ATP11A: variants seen among roughly 807,000 people sequenced by gnomAD.
ATP11A encodes the protein ATPase phospholipid transporting 11A.
Under a neutral mutation model 154.4 loss-of-function variants are expected in ATP11A, and 81 were observed. The observed-to-expected ratio is 0.52, with a 90% CI of 0.44 to 0.63. The LOEUF (loss-of-function observed/expected upper bound fraction) is 0.63. ATP11A is among the 30% of genes least tolerant of loss of function. The pLI is 0.00. For missense variants in ATP11A, 1,316 were observed against 1,474.3 expected, an observed-to-expected ratio of 0.89 and a Z score of 1.76; for synonymous variants, 623 against 585.9, an observed-to-expected ratio of 1.06 and a Z score of -0.91.
intron 1 of ATP11A, among the ~76,000 whole-genome samples, chr13:112,731,516 T>C (rs2139692281): frequency 1.3e-5 from 2 of 152,284 alleles, no homozygotes; most frequent in Admixed American, 1.3e-4. Flanking sequence ...CGGCACTCAC[T>C]AGTTTTCTGT....
At chr13:112,691,668 T>C (rs58268884) in intron 1 of ATP11A, among the ~76,000 whole-genome samples, 2,496 of 152,216 alleles carry the variant, frequency 0.016, 83 homozygotes, top group African/African-American at 0.058. Context: ...ATGGGAACTT[T>C]GTTCTTTCCC....
chr13:112,867,293 A>G (rs1235232354), intron 25 of ATP11A, among the ~76,000 whole-genome samples: 4 of 152,232 alleles, frequency 2.6e-5, no homozygotes, highest in African/African-American at 9.6e-5. Context: ...AGCTCCCGAG[A>G]GGCAGGGCCT....
At chr13:112,779,464 C>A (rs895778734) in intron 1 of ATP11A, among the ~76,000 whole-genome samples, 3 of 152,108 alleles carry the variant, frequency 2.0e-5, no homozygotes, top group Admixed American at 1.3e-4. Flanking sequence ...TCAGCTGGGA[C>A]AGGGCAGCAA....
intron 29 of ATP11A, among the ~76,000 whole-genome samples, chr13:112,879,885 G>A (rs999614202): frequency 3.9e-5 from 6 of 152,222 alleles, no homozygotes; most frequent in South Asian, 2.1e-4. Flanking sequence ...ATATATGTGC[G>A]ATTTGCACAT....
chr13:112,829,755 T>A (rs1262403127), intron 12 of ATP11A, among the ~76,000 whole-genome samples: 1 of 152,200 alleles, frequency 6.6e-6, no homozygotes, highest in Non-Finnish European at 1.5e-5. Flanking sequence ...GAAGTGAAAT[T>A]GTTTGCTGAT....
At chr13:112,831,889 GAC>G (rs2079097257) in intron 13 of ATP11A, among the ~76,000 whole-genome samples, 2 of 147,506 alleles carry the variant, frequency 1.4e-5, no homozygotes, top group Non-Finnish European at 3.0e-5. Context: ...CACACATGCA[GAC>G]ACACGCACTC....
intron 4 of ATP11A, 68 bp downstream of exon 4, chr13:112,806,361 G>A (rs761612786): frequency 8.1e-5 from 103 of 1,274,096 alleles, no homozygotes; most frequent in South Asian, 1.6e-4. Flanking sequence ...TTCATTCAAA[G>A]CGAGGTGATT....
intron 2 of ATP11A, among the ~76,000 whole-genome samples, chr13:112,799,431 G>A (rs752124302): frequency 6.6e-6 from 1 of 152,062 alleles, no homozygotes; most frequent in Non-Finnish European, 1.5e-5. Flanking sequence ...AGGTGGGGCA[G>A]TTCTATAGGA....
chr13:112,804,582 C>T (rs2078271340), intron 2 of ATP11A, among the ~76,000 whole-genome samples: 1 of 148,792 alleles, frequency 6.7e-6, no homozygotes, highest in South Asian at 2.2e-4. Context: ...GGCTTCCATT[C>T]AGCTCGCTGT....
chr13:112,845,632 A>C (rs1436924365), intron 17 of ATP11A, among the ~76,000 whole-genome samples: 2 of 124,564 alleles, frequency 1.6e-5, no homozygotes, highest in Admixed American at 7.8e-5. Context: ...TAACCAGTCC[A>C]GTTGCCAGCA....
chr13:112,726,630 G>C (rs762637424), intron 1 of ATP11A, among the ~76,000 whole-genome samples: 4 of 152,210 alleles, frequency 2.6e-5, no homozygotes, highest in African/African-American at 9.6e-5. Context: ...GGGTGCTGCA[G>C]ATGCTGGGGG....
At chr13:112,810,129 T>C (rs1263991177) in intron 4 of ATP11A, among the ~76,000 whole-genome samples, 1 of 151,974 alleles carries the variant, frequency 6.6e-6, no homozygotes, top group Non-Finnish European at 1.5e-5. Flanking sequence ...CTCATAACAA[T>C]CAGTTTTTAA....
At chr13:112,711,319 G>T (rs1191787021) in intron 1 of ATP11A, among the ~76,000 whole-genome samples, 2 of 152,162 alleles carry the variant, frequency 1.3e-5, no homozygotes, top group Non-Finnish European at 1.5e-5. Context: ...ACTAAAAGCT[G>T]GGCCAGGTGT....
At chr13:112,816,310 C>G in intron 6 of ATP11A, 99 bp downstream of exon 6, 4 of 1,503,476 alleles carry the variant, frequency 2.7e-6, no homozygotes, top group East Asian at 2.3e-5. Flanking sequence ...TTTGAAAAGT[C>G]ACCGTTTTCA....
chr13:112,839,713 TG>T (rs1182310853), intron 16 of ATP11A, among the ~76,000 whole-genome samples: 2 of 152,204 alleles, frequency 1.3e-5, no homozygotes, highest in Non-Finnish European at 2.9e-5. Flanking sequence ...ATTCCAAGGC[TG>T]TTCCTCACCA....
At chr13:112,834,791 G>A in intron 15 of ATP11A, 131 bp downstream of exon 15, 1 of 682,220 alleles carries the variant, frequency 1.5e-6, no homozygotes, top group Non-Finnish European at 2.6e-6. Flanking sequence ...CCTTCCCAGT[G>A]ACACCCCAGG....
chr13:112,756,806 T>A (rs1366929917), intron 1 of ATP11A, among the ~76,000 whole-genome samples: 8 of 151,890 alleles, frequency 5.3e-5, no homozygotes, highest in Admixed American at 1.3e-4. Context: ...CGGGGCCTGC[T>A]CCCAGCGAGG....
chr13:112,769,251 C>T (rs1393477856), intron 1 of ATP11A, among the ~76,000 whole-genome samples: 2 of 152,340 alleles, frequency 1.3e-5, no homozygotes, highest in East Asian at 3.9e-4. Context: ...AGCTCCAAAC[C>T]GGGCACAGGA....
chr13:112,854,084 C>A (rs2079852618), intron 18 of ATP11A, among the ~76,000 whole-genome samples, 195 bp from the exon 19 acceptor site: 1 of 152,178 alleles, frequency 6.6e-6, no homozygotes, highest in Admixed American at 6.5e-5. Flanking sequence ...AAGTGTTTCG[C>A]TGTGAAACAC....
Sources: allele counts gnomAD v4.1 joint callset (sites outside exome capture counted in the v4.1 genomes callset), GRCh38; gene constraint gnomAD v4.1.1; transcripts MANE v1.5; gene names NCBI Gene and HGNC (gene_info 2026-07-23, HGNC 2026-07-21).